CNOT8: variants seen among roughly 807,000 people sequenced by gnomAD.
CNOT8 encodes CAF1-like protein.
CNOT8 carries 18 observed loss-of-function variants against 34.6 expected under a neutral mutation model. That is an observed-to-expected ratio of 0.52 (90% CI 0.36 to 0.77). CNOT8 has a LOEUF of 0.77. Among genes scored for constraint, CNOT8 ranks in the 30% least tolerant of loss-of-function variants. The pLI is 0.00. For missense variants in CNOT8, 189 were observed against 347.9 expected (o/e 0.54, Z 3.63); for synonymous variants, 101 against 118.8 (o/e 0.85, Z 0.98).
chr5:154,868,300 G>A (rs1490293092), intron 3 of CNOT8, among the ~76,000 whole-genome samples: 1 of 104,236 alleles, frequency 9.6e-6, no homozygotes, highest in Non-Finnish European at 1.9e-5. Flanking sequence ...GTAATGTCTT[G>A]CTTTGTCACC....
Position 154,875,549 on chromosome 5 carries a change from C to A in CNOT8, c.*110C>A. 8.5e-7 allele frequency: 1 copy of A among 1,170,256 alleles called. No homozygotes were observed. Among genetic ancestry groups the A allele is most frequent in the Non-Finnish European group, 1.2e-6 (1 of 847,134 alleles). 72.5% of individuals were successfully genotyped at this position (1,170,256 alleles called of 1,614,324 possible). A position where few individuals can be genotyped will look rare whatever the true frequency, so the allele number is the denominator to read the frequency against. Reference sequence around the variant, plus strand: ...GCTTCTTTTGAGCACACTGTACCTACCATCTGCATTGAGCAGAAAGACTTT... The same window carrying A: ...GCTTCTTTTGAGCACACTGTACCTAACATCTGCATTGAGCAGAAAGACTTT... On this transcript the variant is annotated 3_prime_UTR_variant, in exon 7 of 7. Coordinates refer to ENST00000285896, the MANE Select transcript of CNOT8 (RefSeq NM_001301073.2).
intron 6 of CNOT8, among the ~76,000 whole-genome samples, chr5:154,874,997 C>T (rs1762814981): frequency 6.6e-6 from 1 of 150,980 alleles, no homozygotes; most frequent in Admixed American, 6.6e-5. Context: ...GCCCACTGCA[C>T]CCTCTGCCTC....
Position 154,863,308 on chromosome 5 carries a change from G to C in CNOT8, c.30G>C (p.Gln10His), listed in dbSNP as rs992176731. Residue 10 changes from glutamine (Q) to histidine (H), a missense_variant, in exon 2 of 7, where the codon CAG (glutamine) becomes CAC (histidine). Physicochemically the swap from Gln to His is conservative, Grantham distance 24. Coordinates refer to ENST00000285896, the MANE Select transcript of CNOT8 (RefSeq NM_001301073.2). ...CTGCAGCACTTGTGGAGAATAGCCA[G>C]GTTATCTGTGAAGTGTGGGCCAGTA... MPAALVENS[Q>H]VICEVWASNL... 1 of 1,614,022 alleles carries C rather than the reference G, an allele frequency of 6.2e-7. No individual in the cohort carries two copies. The highest frequency in any genetic ancestry group is 8.5e-7 in the Non-Finnish European group (1 of 1,179,992).
rs79250798 is a variant in CNOT8, at chr5:154,875,393, A to C, written c.833A>C (p.Gln278Pro). ...QKQNEDVDSAQEKMSILAIIN... is the reference protein window; with the variant it reads ...QKQNEDVDSAPEKMSILAIIN... ...CAGAATGAGGATGTGGACTCTGCCC[A>C]GGAGAAGATGAGCATCCTGGCGATT... The change falls in exon 7 of 7, where the codon CAG becomes CCG. Residue 278 changes from glutamine (Q) to proline (P), a missense_variant. By Grantham distance (76) the Gln-to-Pro change is moderately conservative. Transcript: ENST00000285896. The C allele has an allele frequency of 2.5e-5, 41 of 1,614,102 alleles. 1 individual carries two copies. The East Asian group carries it at 8.5e-4, about 33-fold the overall frequency.
intron 4 of CNOT8, 123 bp downstream of exon 4, chr5:154,870,945 A>C: frequency 2.5e-6 from 2 of 809,320 alleles, no homozygotes; most frequent in Non-Finnish European, 3.9e-6. Context: ...CCAGAAGTTG[A>C]ATTGGTGCTT....
chr5:154,866,720 C>T (rs1761914980), intron 3 of CNOT8, among the ~76,000 whole-genome samples: 1 of 152,086 alleles, frequency 6.6e-6, no homozygotes, highest in African/African-American at 2.4e-5. Context: ...CAAGACCAGC[C>T]TGGCCAATGT....
intron 3 of CNOT8, among the ~76,000 whole-genome samples, chr5:154,866,632 T>C (rs1224334638): frequency 1.3e-5 from 2 of 152,098 alleles, no homozygotes; most frequent in Non-Finnish European, 2.9e-5. Flanking sequence ...CAGCCGGGCG[T>C]GGTGGCTCAC....
intron 3 of CNOT8, among the ~76,000 whole-genome samples, chr5:154,865,901 C>T (rs1451576796): frequency 6.6e-6 from 1 of 152,126 alleles, no homozygotes; most frequent in African/African-American, 2.4e-5. Flanking sequence ...GTATATACCG[C>T]ATTTTGTTTA....
At chr5:154,864,579 C>T (rs1761684209) in intron 2 of CNOT8, among the ~76,000 whole-genome samples, 1 of 152,094 alleles carries the variant, frequency 6.6e-6, no homozygotes, top group African/African-American at 2.4e-5. Flanking sequence ...TTTCACTTCC[C>T]TGTATTTGTA....
intron 6 of CNOT8, 39 bp from the exon 7 acceptor site, chr5:154,875,241 CATGACTTCTA>C (rs1762840168): frequency 6.3e-7 from 1 of 1,596,222 alleles, no homozygotes; most frequent in African/African-American, 1.3e-5. Context: ...TTATACTTGT[CATGACTTCTA>C]GCATAACTCT....
chr5:154,861,697 T>G (rs1339139141), intron 1 of CNOT8, among the ~76,000 whole-genome samples: 1 of 152,154 alleles, frequency 6.6e-6, no homozygotes, highest in East Asian at 1.9e-4. Flanking sequence ...AAGCTCTTTT[T>G]TGTTTGTTTG....
At chr5:154,873,578 A>G (rs1300494285) in intron 6 of CNOT8, among the ~76,000 whole-genome samples, 1 of 152,198 alleles carries the variant, frequency 6.6e-6, no homozygotes, top group Non-Finnish European at 1.5e-5. Context: ...CTCAGGTTTT[A>G]AAATATATTC....
chr5:154,870,843 AT>A, intron 4 of CNOT8, 21 bp downstream of exon 4: 1 of 1,584,166 alleles, frequency 6.3e-7, no homozygotes, highest in Non-Finnish European at 8.6e-7. Context: ...GGGAATGTGT[AT>A]TTCTCTCTCA....
intron 3 of CNOT8, among the ~76,000 whole-genome samples, chr5:154,869,124 AT>A (rs762244525): frequency 1.3e-3 from 193 of 143,658 alleles, no homozygotes; most frequent in South Asian, 2.0e-3. Context: ...TTGTTGGTTT[AT>A]TTTTTTTTTT....
At chr5:154,870,239 GTTT>G (rs961014209) in intron 3 of CNOT8, among the ~76,000 whole-genome samples, 2 of 141,750 alleles carry the variant, frequency 1.4e-5, no homozygotes, top group South Asian at 2.2e-4. Flanking sequence ...TGTGTGTGTT[GTTT>G]TTTTTTTGTT....
At chr5:154,865,751 C>A (rs1024454524) in intron 3 of CNOT8, among the ~76,000 whole-genome samples, 1 of 152,108 alleles carries the variant, frequency 6.6e-6, no homozygotes, top group African/African-American at 2.4e-5. Flanking sequence ...AAAATTGGAA[C>A]CCTCATACAT....
chr5:154,868,902 CCTT>C (rs1403678124), intron 3 of CNOT8, among the ~76,000 whole-genome samples: 1 of 152,116 alleles, frequency 6.6e-6, no homozygotes, highest in Non-Finnish European at 1.5e-5. Flanking sequence ...CTTAGCTGCT[CCTT>C]TGATCTACTT....
chr5:154,870,913 C>A, intron 4 of CNOT8, 91 bp downstream of exon 4: 2 of 1,126,202 alleles, frequency 1.8e-6, no homozygotes, highest in Non-Finnish European at 2.5e-6. Flanking sequence ...GTCCTAGTGA[C>A]TGTTCTGTTC....
chr5:154,872,308 C>T (rs1762562051), intron 5 of CNOT8, among the ~76,000 whole-genome samples: 1 of 152,074 alleles, frequency 6.6e-6, no homozygotes, highest in Non-Finnish European at 1.5e-5. Context: ...ATTTTAATGG[C>T]AGAGTTCTGG....
Sources: allele counts gnomAD v4.1 joint callset (sites outside exome capture counted in the v4.1 genomes callset), GRCh38; gene constraint gnomAD v4.1.1; transcripts MANE v1.5; gene names NCBI Gene and HGNC (gene_info 2026-07-23, HGNC 2026-07-21).